The following RNASEH2B variants were observed in gnomAD, a reference collection of about 807,000 sequenced individuals.
RNASEH2B encodes the protein ribonuclease H2 subunit B.
Under a neutral mutation model 45.0 loss-of-function variants are expected in RNASEH2B, and 36 were observed. The ratio of observed to expected loss-of-function variants is 0.80; its 90% CI spans 0.61 to 1.06. The LOEUF (loss-of-function observed/expected upper bound fraction) is 1.06. Among genes scored for constraint, RNASEH2B ranks in the 50% least tolerant of loss-of-function variants. The pLI is 0.00. For missense variants in RNASEH2B, 361 were observed against 360.3 expected (o/e 1.00, Z -0.02); for synonymous variants, 119 against 125.7 (o/e 0.95, Z 0.35).
intron 7 of RNASEH2B, among the ~76,000 whole-genome samples, chr13:50,947,168 C>G (rs1951910265): frequency 6.6e-6 from 1 of 152,106 alleles, no homozygotes; most frequent in African/African-American, 2.4e-5. Flanking sequence ...ACGTGGTTAT[C>G]CCATCTTATG....
At chr13:50,917,140 T>C (rs760023598) in intron 1 of RNASEH2B, among the ~76,000 whole-genome samples, 22 of 152,094 alleles carry the variant, frequency 1.4e-4, no homozygotes, top group Non-Finnish European at 2.9e-5. Context: ...CCACCTATTG[T>C]AGCCAGGGAG....
intron 5 of RNASEH2B, chr13:50,938,212 A>G (rs1180144317): frequency 4.6e-5 from 7 of 152,234 alleles, no homozygotes; most frequent in East Asian, 1.9e-4. Context: ...ATGTAACACA[A>G]TATGTTCAAG....
At chr13:50,936,453 G>C (rs1951753800) in intron 5 of RNASEH2B, 1 of 152,134 alleles carries the variant, frequency 6.6e-6, no homozygotes, top group South Asian at 2.1e-4. Context: ...TTATGTTTAA[G>C]GGGTCCAGTA....
At chr13:50,933,742 T>G (rs1381876539) in intron 4 of RNASEH2B, among the ~76,000 whole-genome samples, 1 of 152,228 alleles carries the variant, frequency 6.6e-6, no homozygotes, top group Non-Finnish European at 1.5e-5. Flanking sequence ...TGGTAGTCCA[T>G]TACATATAAA....
intron 9 of RNASEH2B, among the ~76,000 whole-genome samples, chr13:50,969,208 T>C (rs1952194110): frequency 6.6e-6 from 1 of 152,172 alleles, no homozygotes; most frequent in African/African-American, 2.4e-5. Flanking sequence ...TGGAAAAAGC[T>C]GACCAGGCAG....
intron 4 of RNASEH2B, chr13:50,930,970 A>AG (rs1951674510): frequency 3.5e-6 from 2 of 567,058 alleles, no homozygotes; most frequent in Admixed American, 5.6e-5. Context: ...ATCCAGTCTG[A>AG]CCCTGGCTTG....
downstream of RNASEH2B, among the ~76,000 whole-genome samples, chr13:50,960,803 A>G (rs897395634): frequency 2.1e-4 from 32 of 152,160 alleles, no homozygotes; most frequent in African/African-American, 7.2e-4. Context: ...CTAGCTTTCC[A>G]TTTTTTCCAA....
chr13:50,927,920 G>A (rs180911020), intron 2 of RNASEH2B, among the ~76,000 whole-genome samples: 19 of 150,854 alleles, frequency 1.3e-4, no homozygotes, highest in African/African-American at 4.6e-4. Flanking sequence ...TTTTGATTAG[G>A]TTCAGTTTTA....
At chr13:50,921,023 A>G (rs1254358628) in intron 1 of RNASEH2B, among the ~76,000 whole-genome samples, 2 of 152,150 alleles carry the variant, frequency 1.3e-5, no homozygotes, top group Non-Finnish European at 2.9e-5. Flanking sequence ...TTTTGATCTT[A>G]TTATTCCCTA....
intron 9 of RNASEH2B, among the ~76,000 whole-genome samples, chr13:50,968,067 G>A (rs910160386): frequency 1.3e-5 from 2 of 152,078 alleles, no homozygotes; most frequent in Non-Finnish European, 1.5e-5. Flanking sequence ...AAAAGGGTTC[G>A]TCCCTGTGTT....
chr13:50,917,537 C>T (rs546193936), intron 1 of RNASEH2B, among the ~76,000 whole-genome samples: 144 of 152,320 alleles, frequency 9.5e-4, no homozygotes, highest in Non-Finnish European at 1.8e-3. Flanking sequence ...TTGCAAAACA[C>T]TTTCATATAA....
At chr13:50,962,704 T>G in intron 9 of RNASEH2B, among the ~76,000 whole-genome samples, 1 of 152,280 alleles carries the variant, frequency 6.6e-6, no homozygotes, top group South Asian at 2.1e-4. Flanking sequence ...TTTCTTATAT[T>G]TCTTCTCCTT....
chr13:50,949,287 A>G, intron 8 of RNASEH2B, 176 bp from the exon 9 acceptor site: 1 of 611,000 alleles, frequency 1.6e-6, no homozygotes, highest in Non-Finnish European at 2.9e-6. Flanking sequence ...CAAAATAAAG[A>G]CTCATTTATT....
intron 5 of RNASEH2B, chr13:50,935,302 C>T (rs964649273): frequency 5.0e-6 from 2 of 400,172 alleles, no homozygotes; most frequent in Admixed American, 4.0e-5. Flanking sequence ...CAGCTGCCTT[C>T]TGCCTCAGAT....
At chr13:50,926,167 T>C (rs542725032) in intron 1 of RNASEH2B, among the ~76,000 whole-genome samples, 1 of 152,152 alleles carries the variant, frequency 6.6e-6, no homozygotes, top group African/African-American at 2.4e-5. Flanking sequence ...TTTTTTTTTC[T>C]GTAGATACTT....
chr13:50,968,443 C>T (rs1952187640), intron 9 of RNASEH2B, among the ~76,000 whole-genome samples: 4 of 152,174 alleles, frequency 2.6e-5, no homozygotes, highest in Middle Eastern at 3.4e-3. Flanking sequence ...CAACAACCCT[C>T]CAAGGTAGAC....
downstream of RNASEH2B, among the ~76,000 whole-genome samples, chr13:50,957,088 C>A (rs532219843): frequency 2.0e-5 from 3 of 150,728 alleles, no homozygotes; most frequent in Non-Finnish European, 1.5e-5. Context: ...TACTTTGTAA[C>A]CTTTTTTTTT....
rs772952262 is a variant in RNASEH2B, at chr13:50,927,431, A to C, written c.89A>C (p.Lys30Thr). 10 of 1,599,604 alleles carry C rather than the reference A, an allele frequency of 6.3e-6. 1 individual carries two copies. The South Asian group carries it at 8.8e-5, about 14-fold the overall frequency. ...VSEYLKDASKKMKNGLMFVKL... is the reference protein window; with the variant it reads ...VSEYLKDASKTMKNGLMFVKL... Reference sequence around the variant, plus strand: ...GAATATTTAAAAGATGCTTCAAAGAAGATGAAAAATGGGCTAATGTTTGTA... The same window carrying C: ...GAATATTTAAAAGATGCTTCAAAGACGATGAAAAATGGGCTAATGTTTGTA... Residue 30 changes from lysine (K) to threonine (T), a missense_variant, in exon 2 of 11, where the codon AAG becomes ACG. Coordinates refer to ENST00000336617, the MANE Select transcript of RNASEH2B (RefSeq NM_024570.4).
rs543213199 is a variant in RNASEH2B, at chr13:50,932,155, C to T, written c.321+1396C>T. On this transcript the variant is annotated intron_variant, in intron 4 of 10. Transcript: ENST00000336617. ...TTCCCGTGAAATGACAGGCTCACTT[C>T]GTTCATATTCTGCCTAATACCGGGG... Among the ~76,000 whole-genome samples, 27 of 152,298 alleles carry T rather than the reference C, an allele frequency of 1.8e-4. 1 individual carries two copies. In the South Asian group the frequency reaches 5.6e-3, roughly 32 times the overall value.
Sources: gnomAD v4.1 joint callset for allele counts (sites outside exome capture counted in the v4.1 genomes callset) on GRCh38, gnomAD v4.1.1 for gene constraint, MANE v1.5 for transcripts, NCBI Gene and HGNC (gene_info 2026-07-23, HGNC 2026-07-21) for gene names.